Variants in AATK observed in about 807,000 individuals in gnomAD.
AATK encodes the protein serine/threonine-protein kinase LMTK1.
In AATK, 91 loss-of-function variants were observed where a neutral mutation model predicts 114.3. That is an observed-to-expected ratio of 0.80 (90% CI 0.67 to 0.95). The LOEUF (loss-of-function observed/expected upper bound fraction) is 0.95, where lower values mean the gene tolerates loss of function less well. Ranked by LOEUF, AATK falls within the 40% of genes least tolerant of loss-of-function variation. The pLI, the probability that AATK is intolerant of heterozygous loss-of-function variation, is 0.00. For synonymous variants in AATK, 1,075 were observed against 916.5 expected (o/e 1.17, Z -3.12); for missense variants, 2,176 against 1,965.2 (o/e 1.11, Z -2.03).
chr17:81,137,446 C>T (rs1305675705), intron 1 of AATK, among the ~76,000 whole-genome samples: 1 of 152,012 alleles, frequency 6.6e-6, no homozygotes, highest in South Asian at 2.1e-4. Flanking sequence ...CTCCCTCAGG[C>T]CCACCTGCTC....
intron 1 of AATK, among the ~76,000 whole-genome samples, chr17:81,156,543 G>A (rs561885722): frequency 5.3e-5 from 8 of 152,166 alleles, no homozygotes; most frequent in Admixed American, 2.6e-4. Flanking sequence ...GACTACAGGC[G>A]CCAGCCACCA....
Position 81,131,091 on chromosome 17 carries a change from A to G in AATK, c.304T>C (p.Leu102=). The G allele has an allele frequency of 6.4e-7, 1 of 1,556,680 alleles. No homozygotes were observed. The highest frequency in any genetic ancestry group is 8.7e-7 in the Non-Finnish European group (1 of 1,150,614). The part of the protein sequence containing the change: ...VYVLPLTEVS[L]PMAKQPGRSV... ...CGCCCAGGCTGCTTGGCCATGGGCA[A>G]GGAGACCTCCGTGAGTGGCAGGACG... is the stretch of plus-strand genomic sequence containing the variant. Residue 102 remains leucine, a synonymous_variant, in exon 3 of 14, where the codon TTG becomes CTG. Transcript: ENST00000326724.
chr17:81,154,972 C>T (rs1172359658), intron 1 of AATK, among the ~76,000 whole-genome samples: 1 of 152,190 alleles, frequency 6.6e-6, no homozygotes, highest in Admixed American at 6.5e-5. Flanking sequence ...TCTTACAGCT[C>T]GCTGTGCTCT....
At chr17:81,144,446 G>T (rs1309327025) in intron 1 of AATK, among the ~76,000 whole-genome samples, 6 of 152,216 alleles carry the variant, frequency 3.9e-5, no homozygotes, top group Non-Finnish European at 5.9e-5. Flanking sequence ...GCAGGCCTGT[G>T]GGTGGCCGAG....
In AATK at chr17:81,126,640, T is replaced by A; in HGVS notation, c.622-80A>T. The stretch of plus-strand genomic sequence containing the variant: ...GGAGGTCCCCACCTACCTCCCCAAC[T>A]CCTCCACCCCTACCCACAGCTGAGG... On this transcript the variant is annotated intron_variant, in intron 6 of 13. Coordinates refer to ENST00000326724, the MANE Select transcript of AATK (RefSeq NM_001080395.3). The surrounding 1 kb of genome is among the most constrained non-coding windows in gnomAD (Gnocchi z 5.1). 1 of 1,486,862 alleles carries A rather than the reference T, an allele frequency of 6.7e-7. No homozygotes were observed. Among genetic ancestry groups the A allele is most frequent in the South Asian group, 1.3e-5 (1 of 76,178 alleles). The allele number at this position is 1,486,862 out of a possible 1,614,324, so 92.1% of individuals were successfully genotyped here. A position where few individuals can be genotyped will look rare whatever the true frequency, so the allele number is the denominator to read the frequency against.
At chr17:81,155,399 A>T (rs12601243) in intron 1 of AATK, among the ~76,000 whole-genome samples, 98,674 of 146,480 alleles carry the variant, frequency 0.67, 33,149 homozygotes, top group East Asian at 0.8. Context: ...TATTATTATT[A>T]TTTTTTGAGA....
At chr17:81,125,341 C>A in intron 7 of AATK, 1 of 682,024 alleles carries the variant, frequency 1.5e-6, no homozygotes. Flanking sequence ...GTCCACGCTT[C>A]TCCAGGACCC....
rs1467434354 is a variant in AATK, at chr17:81,118,053, G to A, written c.*349C>T. 7.8e-6 allele frequency: 2 copies of A among 255,726 alleles called. No homozygotes were observed. The highest frequency in any genetic ancestry group is 2.2e-5 in the African/African-American group (1 of 45,076). The allele number at this position is 255,726 out of a possible 1,614,324, so 15.8% of individuals were successfully genotyped here. On this transcript the variant is annotated 3_prime_UTR_variant, in exon 14 of 14. Transcript: ENST00000326724. The stretch of plus-strand genomic sequence containing the variant: ...CGGATGGGGCATGCGGGTCCTCCGA[G>A]GCCAGGCAGGCAGGGCAGAGGGTGG...
At position 81,152,999 on chromosome 17, in the gene AATK, C is replaced by T. The variant is rs568576228; in HGVS notation, c.55+12939G>A. On this transcript the variant is annotated intron_variant, in intron 1 of 13. Transcript: ENST00000326724. ...CAAGGATTACAAGCGTCCACCACCA[C>T]GCTCAGCTAATATTTGTATTTTTGT... 1.0e-3 allele frequency among the ~76,000 whole-genome samples: 156 copies of T among 152,232 alleles called. 3 individuals carry two copies. In the South Asian group the frequency reaches 0.031, roughly 30 times the overall value.
intron 1 of AATK, among the ~76,000 whole-genome samples, chr17:81,155,962 G>A (rs1052265663): frequency 6.6e-6 from 1 of 152,198 alleles, no homozygotes; most frequent in Non-Finnish European, 1.5e-5. Context: ...GATTACAGGT[G>A]TGAGCTCCCC....
chr17:81,122,850 G>A (rs1181592695), intron 10 of AATK, 27 bp from the exon 11 acceptor site: 14 of 1,431,408 alleles, frequency 9.8e-6, no homozygotes, highest in Middle Eastern at 3.7e-4. Flanking sequence ...CGGGGGCCAC[G>A]TCAGAGGCAA....
In AATK at chr17:81,118,219, G is replaced by C. The variant is rs115898400; in HGVS notation, c.*183C>G. ...TCTGCCTCTGGGGCGGAGCATGGCC[G>C]ATCTACCATCCAGGGCCTCTCATCC... On this transcript the variant is annotated 3_prime_UTR_variant, in exon 14 of 14. Coordinates refer to ENST00000326724, the MANE Select transcript of AATK (RefSeq NM_001080395.3). 1.5e-3 allele frequency: 899 copies of C among 616,286 alleles called. 7 individuals carry two copies. The African/African-American group carries it at 0.015, about 10-fold the overall frequency. 38.2% of individuals were successfully genotyped at this position (616,286 alleles called of 1,614,324 possible).
In AATK at chr17:81,122,721, T is replaced by C. The variant is rs368799378; in HGVS notation, c.1215A>G (p.Glu405=). 12 of 1,590,186 alleles carry C rather than the reference T, an allele frequency of 7.5e-6. No homozygotes were observed. The highest frequency in any genetic ancestry group is 1.0e-5 in the Non-Finnish European group (12 of 1,169,232). ...LSYLCAKGAT[E]AEEEFERRWR... is the part of the protein sequence containing the mutation. Reference sequence around the variant, plus strand: ...AGCGCCGTTCAAACTCCTCCTCTGCTTCGGTGGCGCCCTTGGCACACAGGT... The same window carrying C: ...AGCGCCGTTCAAACTCCTCCTCTGCCTCGGTGGCGCCCTTGGCACACAGGT... Residue 405 remains glutamate (E), a synonymous_variant, in exon 11 of 14, where the codon GAA becomes GAG. Coordinates refer to ENST00000326724, the MANE Select transcript of AATK (RefSeq NM_001080395.3).
chr17:81,159,669 C>T (rs924271668), intron 1 of AATK, among the ~76,000 whole-genome samples: 2 of 152,044 alleles, frequency 1.3e-5, no homozygotes, highest in African/African-American at 4.8e-5. Flanking sequence ...GAAGGGAAGC[C>T]AGAGGGGCCC....
At chr17:81,158,577 A>G (rs1048786512) in intron 1 of AATK, among the ~76,000 whole-genome samples, 5 of 152,200 alleles carry the variant, frequency 3.3e-5, no homozygotes, top group African/African-American at 1.2e-4. Flanking sequence ...CCTTGTGTCC[A>G]GGACCTGCCC....
Position 81,122,550 on chromosome 17 carries a change from G to T in AATK, c.1386C>A (p.Gly462=). The part of the protein sequence containing the change: ...QFAGDGFHAD[G]DDVLTVTETS... Reference sequence around the variant, plus strand: ...TCTCGGTCACCGTCAGCACGTCGTCGCCGTCCGCGTGGAAGCCGTCGCCCG... The same window carrying T: ...TCTCGGTCACCGTCAGCACGTCGTCTCCGTCCGCGTGGAAGCCGTCGCCCG... The change falls in exon 11 of 14, where the codon GGC becomes GGA. Residue 462 remains glycine (G), a synonymous_variant. Transcript: ENST00000326724. 1 of 1,475,530 alleles carries T rather than the reference G, an allele frequency of 6.8e-7. No homozygotes were observed. The allele number at this position is 1,475,530 out of a possible 1,614,324, so 91.4% of individuals were successfully genotyped here.
In AATK at chr17:81,119,387, G is replaced by A. The variant is rs2060657700; in HGVS notation, c.4077C>T (p.Ser1359=). The stretch of plus-strand genomic sequence containing the variant: ...GCCCCGCCCAGGCCTCACCTCTCTT[G>A]GACTCGGCGTCCGAGTCAGACACGT... ...ITHVSDSDAE[S]KRGPEAGAGG... The change falls in exon 13 of 14, where the codon TCC becomes TCT. Residue 1359 remains serine, a synonymous_variant. Transcript: ENST00000326724. 7 of 1,561,406 alleles carry A rather than the reference G, an allele frequency of 4.5e-6. No individual in the cohort carries two copies. Among genetic ancestry groups the A allele is most frequent in the Non-Finnish European group, 5.2e-6 (6 of 1,161,068 alleles).
intron 13 of AATK, among the ~76,000 whole-genome samples, 178 bp downstream of exon 13, chr17:81,119,202 A>AGGTCT (rs1452077385): frequency 7.6e-6 from 1 of 131,162 alleles, no homozygotes; most frequent in Non-Finnish European, 1.6e-5. Context: ...GGGCCAGGCG[A>AGGTCT]GGGCCAGGCG....
chr17:81,128,888 T>C, intron 3 of AATK: 3 of 1,158,192 alleles, frequency 2.6e-6, no homozygotes, highest in Non-Finnish European at 3.2e-6. Context: ...GCAGTGTGGC[T>C]GAGCAAGAGG....
Sources: gnomAD v4.1 joint callset for allele counts (sites outside exome capture counted in the v4.1 genomes callset) on GRCh38, gnomAD v4.1.1 for gene constraint, Gnocchi (gnomAD v3.1) non-coding constraint, MANE v1.5 for transcripts, NCBI Gene and HGNC (gene_info 2026-07-23, HGNC 2026-07-21) for gene names.